Variants in C10orf67 observed in about 807,000 individuals in gnomAD.
C10orf67 encodes the protein uncharacterized protein C10orf67, mitochondrial.
C10orf67 carries 60 observed loss-of-function variants against 35.6 expected under a neutral mutation model. The ratio of observed to expected loss-of-function variants is 1.68; its 90% CI spans 1.37 to 2.09. C10orf67 has a LOEUF of 2.09. C10orf67 is among the 30% of genes most tolerant of loss of function. C10orf67 has a pLI of 0.00. For synonymous variants in C10orf67, 167 were observed against 115.8 expected, an observed-to-expected ratio of 1.44 and a Z score of -2.84; for missense variants, 474 against 330.2, an observed-to-expected ratio of 1.44 and a Z score of -3.38.
chr10:23,240,959 T>C (rs1842162962), intron 12 of C10orf67, among the ~76,000 whole-genome samples: 1 of 152,192 alleles, frequency 6.6e-6, no homozygotes, highest in African/African-American at 2.4e-5. Context: ...TTCCCAAAAT[T>C]CTATGGGCAG....
At chr10:23,309,503 A>T (rs559735089) in intron 4 of C10orf67, among the ~76,000 whole-genome samples, 1 of 152,238 alleles carries the variant, frequency 6.6e-6, no homozygotes, top group Non-Finnish European at 1.5e-5. Flanking sequence ...CAATATACCC[A>T]TGTAACAAGC....
intron 6 of C10orf67, among the ~76,000 whole-genome samples, chr10:23,290,845 T>G (rs768517971): frequency 6.6e-6 from 1 of 152,210 alleles, no homozygotes; most frequent in Non-Finnish European, 1.5e-5. Flanking sequence ...GCTATAATAT[T>G]TCTAAGTGAA....
intron 8 of C10orf67, among the ~76,000 whole-genome samples, chr10:23,279,538 ACTTC>A (rs1320271225): frequency 2.6e-5 from 4 of 152,212 alleles, no homozygotes; most frequent in Admixed American, 6.5e-5. Context: ...CAACCTATGT[ACTTC>A]CTTCCTATCT....
chr10:23,342,658 G>A (rs528299217), intron 1 of C10orf67, among the ~76,000 whole-genome samples: 2 of 152,204 alleles, frequency 1.3e-5, no homozygotes, highest in African/African-American at 2.4e-5. Flanking sequence ...CAGGGTAGAC[G>A]CTGTGTGCCT....
intron 4 of C10orf67, among the ~76,000 whole-genome samples, chr10:23,313,958 G>T (rs1424684434): frequency 2.0e-5 from 3 of 151,658 alleles, no homozygotes; most frequent in African/African-American, 7.3e-5. Flanking sequence ...ACCAGCCACA[G>T]GCCAGGTGAG....
intron 10 of C10orf67, among the ~76,000 whole-genome samples, chr10:23,259,764 C>G (rs546618394): frequency 6.6e-5 from 10 of 152,038 alleles, no homozygotes; most frequent in African/African-American, 2.4e-4. Flanking sequence ...AAGCAACAAT[C>G]AAGATGAATA....
rs141708462 is a variant in C10orf67 at position 23,222,215 on chromosome 10, G to A, written c.1570+1383C>T. Among the ~76,000 whole-genome samples the A allele has an allele frequency of 1.1e-4, 17 of 152,230 alleles. 1 individual carries two copies. The highest frequency in any genetic ancestry group is 1.1e-3 in the Admixed American group (17 of 15,282). On this transcript the variant is annotated intron_variant, in intron 15 of 15. Coordinates refer to ENST00000636213, the MANE Select transcript of C10orf67 (RefSeq NM_001371909.1). ...GAGTGACGGTGTTTGTTTCAGTGGGGCTGCCTTATGTGTCATGTGGCCATC... is the reference window on the plus strand; with the variant it reads ...GAGTGACGGTGTTTGTTTCAGTGGGACTGCCTTATGTGTCATGTGGCCATC...
At chr10:23,226,029 A>C (rs1306363878) in intron 13 of C10orf67, among the ~76,000 whole-genome samples, 1 of 152,158 alleles carries the variant, frequency 6.6e-6, no homozygotes. Flanking sequence ...AGACAGATCA[A>C]CGAGACAGAA....
chr10:23,209,561 A>G (rs1841250563), intron 15 of C10orf67, among the ~76,000 whole-genome samples: 1 of 152,192 alleles, frequency 6.6e-6, no homozygotes, highest in South Asian at 2.1e-4. Flanking sequence ...AGGAGGAGGA[A>G]GAGGAGAAGG....
At chr10:23,335,793 A>G (rs1380252556) in intron 1 of C10orf67, among the ~76,000 whole-genome samples, 3 of 152,200 alleles carry the variant, frequency 2.0e-5, no homozygotes, top group African/African-American at 4.8e-5. Context: ...CTCATTTCTC[A>G]TTACATACAC....
At chr10:23,258,520 AC>A in intron 10 of C10orf67, 1 of 169,160 alleles carries the variant, frequency 5.9e-6, no homozygotes, top group Non-Finnish European at 1.3e-5. Flanking sequence ...GGTTACTCCT[AC>A]CATGGCCTTC....
At chr10:23,299,896 C>T (rs961951331) in intron 5 of C10orf67, among the ~76,000 whole-genome samples, 3 of 151,498 alleles carry the variant, frequency 2.0e-5, no homozygotes, top group Admixed American at 6.6e-5. Context: ...GAGAATGGCG[C>T]GAACCCAGGA....
intron 12 of C10orf67, among the ~76,000 whole-genome samples, chr10:23,249,725 C>T (rs1231427707): frequency 6.6e-6 from 1 of 152,196 alleles, no homozygotes; most frequent in Non-Finnish European, 1.5e-5. Flanking sequence ...TCAAGTTTGA[C>T]CTCCGATGGC....
chr10:23,328,607 T>C (rs1440953866), intron 2 of C10orf67, among the ~76,000 whole-genome samples: 2 of 151,754 alleles, frequency 1.3e-5, no homozygotes, highest in Non-Finnish European at 2.9e-5. Context: ...TGATATTTTA[T>C]GAAGCCAATG....
intron 1 of C10orf67, among the ~76,000 whole-genome samples, chr10:23,342,662 T>C (rs1845947519): frequency 1.3e-5 from 2 of 152,246 alleles, no homozygotes; most frequent in Non-Finnish European, 2.9e-5. Context: ...GTAGACGCTG[T>C]GTGCCTCTGG....
chr10:23,230,173 G>A (rs1413490438), intron 13 of C10orf67, among the ~76,000 whole-genome samples: 3 of 152,004 alleles, frequency 2.0e-5, no homozygotes, highest in East Asian at 1.9e-4. Context: ...TCATATATAT[G>A]AGCCCTTAAT....
Position 23,204,256 on chromosome 10 carries a change from C to A in C10orf67, c.1571-1G>T. 1.6e-6 allele frequency: 1 copy of A among 641,792 alleles called. No homozygotes were observed. Among genetic ancestry groups the A allele is most frequent in the South Asian group, 1.8e-5 (1 of 56,196 alleles). The allele number at this position is 641,792 out of a possible 1,614,324, so 39.8% of individuals were successfully genotyped here. A position where few individuals can be genotyped will look rare whatever the true frequency, so the allele number is the denominator to read the frequency against. On this transcript the variant is annotated splice_acceptor_variant, in intron 15 of 15. Transcript: ENST00000636213. LOFTEE classifies it high-confidence loss of function. ...TCTTTTGGGGATTCCGACAACTTCCCTAAACGTGAAGAAAGGTGGACAGAC... is the reference window on the plus strand; with the variant it reads ...TCTTTTGGGGATTCCGACAACTTCCATAAACGTGAAGAAAGGTGGACAGAC...
chr10:23,333,543 G>C (rs781678820), intron 1 of C10orf67, among the ~76,000 whole-genome samples: 5 of 152,288 alleles, frequency 3.3e-5, no homozygotes, highest in East Asian at 1.9e-4. Flanking sequence ...TAAGACAGTG[G>C]TTTTCAAAGT....
At chr10:23,229,516 G>T (rs1841845770) in intron 13 of C10orf67, among the ~76,000 whole-genome samples, 1 of 151,728 alleles carries the variant, frequency 6.6e-6, no homozygotes, top group Admixed American at 6.6e-5. Flanking sequence ...ACATCAACAT[G>T]GCACATGTAT....
Sources: allele counts gnomAD v4.1 joint callset (sites outside exome capture counted in the v4.1 genomes callset), GRCh38; gene constraint gnomAD v4.1.1; transcripts MANE v1.5; gene names NCBI Gene and HGNC (gene_info 2026-07-23, HGNC 2026-07-21).